The following CLDN10 variants were observed in gnomAD, a reference collection of about 807,000 sequenced individuals.
CLDN10 encodes claudin-10.
Under a neutral mutation model 22.9 loss-of-function variants are expected in CLDN10, and 15 were observed. The ratio of observed to expected loss-of-function variants is 0.65; its 90% CI spans 0.44 to 1.01. The LOEUF (loss-of-function observed/expected upper bound fraction) is 1.01. CLDN10 is among the 50% of genes least tolerant of loss of function. The pLI is 0.00. For missense variants in CLDN10, 247 were observed against 287.8 expected, an observed-to-expected ratio of 0.86 and a Z score of 1.03; for synonymous variants, 114 against 111.4, an observed-to-expected ratio of 1.02 and a Z score of -0.15.
chr13:95,571,765 G>C (rs2043865189), intron 3 of CLDN10, among the ~76,000 whole-genome samples: 1 of 152,108 alleles, frequency 6.6e-6, no homozygotes, highest in Non-Finnish European at 1.5e-5. Flanking sequence ...TTTTATGTTA[G>C]ACCAATAGAA....
chr13:95,531,896 C>A (rs2043347122), intron 1 of CLDN10, among the ~76,000 whole-genome samples: 1 of 151,976 alleles, frequency 6.6e-6, no homozygotes, highest in Non-Finnish European at 1.5e-5. Flanking sequence ...GTTTGATTTT[C>A]CACAAAGGCA....
At chr13:95,571,749 A>G (rs995809894) in intron 3 of CLDN10, among the ~76,000 whole-genome samples, 1 of 152,226 alleles carries the variant, frequency 6.6e-6, no homozygotes, top group African/African-American at 2.4e-5. Flanking sequence ...TGCACTGAAG[A>G]AAAAGTTTTA....
At chr13:95,525,559 C>T (rs567658008) in intron 1 of CLDN10, among the ~76,000 whole-genome samples, 46 of 152,122 alleles carry the variant, frequency 3.0e-4, no homozygotes, top group Non-Finnish European at 5.9e-4. Flanking sequence ...GTGGCGTAAT[C>T]GTGGCTCACT....
At chr13:95,498,546 C>T (rs930469384) in intron 1 of CLDN10, among the ~76,000 whole-genome samples, 1 of 152,094 alleles carries the variant, frequency 6.6e-6, no homozygotes, top group Admixed American at 6.6e-5. Flanking sequence ...AGGCACAAGC[C>T]ACCACGCCTG....
In CLDN10 at chr13:95,536,895, CTT is replaced by C. The variant is rs548319821; in HGVS notation, c.215-23235_215-23234del. On this transcript the variant is annotated intron_variant, in intron 1 of 4. Transcript: ENST00000376873. Reference sequence around the variant, plus strand: ...TATAGTGCGGTATTTTACAAAATGTCTTTGCTGCTAGTGGTATTTAAATTTCA... The same window carrying C: ...TATAGTGCGGTATTTTACAAAATGTCTGCTGCTAGTGGTATTTAAATTTCA... 7.0e-4 allele frequency among the ~76,000 whole-genome samples: 107 copies of C among 152,286 alleles called. 1 individual carries two copies. In the South Asian group the frequency reaches 0.021, roughly 30 times the overall value.
chr13:95,568,801 C>A (rs932965829), intron 3 of CLDN10, among the ~76,000 whole-genome samples: 7 of 152,126 alleles, frequency 4.6e-5, no homozygotes, highest in African/African-American at 1.7e-4. Flanking sequence ...TGCATATCTC[C>A]TAGAATGGTA....
intron 3 of CLDN10, among the ~76,000 whole-genome samples, chr13:95,563,273 C>A (rs1306039138): frequency 6.6e-6 from 1 of 151,872 alleles, no homozygotes; most frequent in Non-Finnish European, 1.5e-5. Context: ...CTTGTATTAG[C>A]TCTTATTGTG....
intron 1 of CLDN10, among the ~76,000 whole-genome samples, chr13:95,488,746 C>CTA (rs2042834408): frequency 1.3e-5 from 2 of 151,962 alleles, no homozygotes; most frequent in African/African-American, 2.4e-5. Context: ...ATATATGCCA[C>CTA]TATATATATA....
upstream of CLDN10, among the ~76,000 whole-genome samples, chr13:95,551,418 C>A (rs963602554): frequency 6.6e-6 from 1 of 152,162 alleles, no homozygotes; most frequent in Non-Finnish European, 1.5e-5. Context: ...GCGTGTCCTG[C>A]TGGTCTACAG....
chr13:95,472,695 G>A (rs527335874), intron 1 of CLDN10, among the ~76,000 whole-genome samples: 5 of 150,918 alleles, frequency 3.3e-5, no homozygotes, highest in African/African-American at 1.2e-4. Flanking sequence ...AATAGAGTGG[G>A]ATACTTGTCA....
intron 1 of CLDN10, among the ~76,000 whole-genome samples, chr13:95,466,952 C>T (rs566087128): frequency 2.0e-4 from 29 of 148,658 alleles, no homozygotes; most frequent in African/African-American, 7.0e-4. Context: ...TCTCGGCTCA[C>T]TGCAAGCTCC....
chr13:95,559,091 A>G (rs2043673251), intron 1 of CLDN10, among the ~76,000 whole-genome samples: 1 of 152,212 alleles, frequency 6.6e-6, no homozygotes, highest in African/African-American at 2.4e-5. Context: ...TTCCAGTTAA[A>G]AAGTTTAATT....
chr13:95,464,447 C>T (rs2042565342), intron 1 of CLDN10, among the ~76,000 whole-genome samples: 1 of 152,158 alleles, frequency 6.6e-6, no homozygotes. Flanking sequence ...TTTTTTATAG[C>T]TGCATAGTAT....
intron 1 of CLDN10, among the ~76,000 whole-genome samples, chr13:95,559,858 T>G (rs2043682346): frequency 6.6e-6 from 1 of 152,174 alleles, no homozygotes; most frequent in African/African-American, 2.4e-5. Context: ...TCACATAACC[T>G]TTGTGTGCCT....
intron 1 of CLDN10, among the ~76,000 whole-genome samples, chr13:95,439,494 CAGCTAATTTCTGTATTTTTAAT>C (rs1209180584): frequency 4.6e-5 from 7 of 151,970 alleles, no homozygotes; most frequent in Non-Finnish European, 1.0e-4. Flanking sequence ...CCAGCACACC[CAGCTAATTTCTGTATTTTTAAT>C]AGAGACAGAG....
At chr13:95,541,851 T>C (rs1229160371) in intron 1 of CLDN10, among the ~76,000 whole-genome samples, 1 of 152,232 alleles carries the variant, frequency 6.6e-6, no homozygotes, top group Non-Finnish European at 1.5e-5. Flanking sequence ...ATTTTTCATA[T>C]GTAAAAATGT....
At chr13:95,522,369 T>C (rs937106808) in intron 1 of CLDN10, among the ~76,000 whole-genome samples, 3 of 152,054 alleles carry the variant, frequency 2.0e-5, no homozygotes, top group Admixed American at 6.5e-5. Flanking sequence ...ATAATTTCTT[T>C]TTTGACAACT....
At chr13:95,491,098 T>G (rs2042867859) in intron 1 of CLDN10, among the ~76,000 whole-genome samples, 1 of 152,238 alleles carries the variant, frequency 6.6e-6, no homozygotes. Flanking sequence ...TGGTGTCCAT[T>G]GCATGAAATG....
chr13:95,479,731 C>A lies in CLDN10; in HGVS notation c.214+45684C>A, dbSNP rs12873172. 0.26 allele frequency: 39,738 copies of A among 152,048 alleles called. 5,558 individuals are homozygous for A. The highest frequency in any genetic ancestry group is 0.32 in the East Asian group (1,670 of 5,156). 9.4% of individuals were successfully genotyped at this position (152,048 alleles called of 1,614,324 possible). On this transcript the variant is annotated intron_variant, in intron 1 of 4. Transcript: ENST00000376873. ...ACAGATAAGAAAACAAACCTGGAGA[C>A]CTTAAGGAACTTGATCAAGGTCACA...
Sources: allele counts gnomAD v4.1 joint callset (sites outside exome capture counted in the v4.1 genomes callset), GRCh38; gene constraint gnomAD v4.1.1; transcripts MANE v1.5; gene names NCBI Gene and HGNC (gene_info 2026-07-23, HGNC 2026-07-21).